LRP1B: variants seen among roughly 807,000 people sequenced by gnomAD.
LRP1B encodes the protein low-density lipoprotein receptor-related protein 1B.
LRP1B carries 217 observed loss-of-function variants against 556.6 expected under a neutral mutation model. The ratio of observed to expected loss-of-function variants is 0.39; its 90% CI spans 0.35 to 0.44. The LOEUF (loss-of-function observed/expected upper bound fraction) is 0.44. Among genes scored for constraint, LRP1B ranks in the 20% least tolerant of loss-of-function variants. The pLI is 1.00. For synonymous variants in LRP1B, 2,047 were observed against 1,865.8 expected (o/e 1.10, Z -2.50); for missense variants, 5,053 against 5,620.8 (o/e 0.90, Z 3.23).
At chr2:140,524,689 G>A (rs1404110034) in intron 49 of LRP1B, among the ~76,000 whole-genome samples, 2 of 151,782 alleles carry the variant, frequency 1.3e-5, no homozygotes, top group South Asian at 2.1e-4. Flanking sequence ...GTAAATCAAT[G>A]CAAGAACAGA....
chr2:141,373,677 A>T (rs930315764), intron 3 of LRP1B, among the ~76,000 whole-genome samples: 7 of 151,350 alleles, frequency 4.6e-5, no homozygotes, highest in African/African-American at 1.7e-4. Context: ...TTTGGTTTCC[A>T]TTTGTGTGGA....
Position 141,374,179 on chromosome 2 carries a change from T to G in LRP1B, c.343+106217A>C, listed in dbSNP as rs527335273. ...ACTGTATTTCCTTTAGTGTTTTTCTTTCAGCACTTTGAATATGCCATCCCA... is the reference window on the plus strand; with the variant it reads ...ACTGTATTTCCTTTAGTGTTTTTCTGTCAGCACTTTGAATATGCCATCCCA... On this transcript the variant is annotated intron_variant, in intron 3 of 90. Coordinates refer to ENST00000389484, the MANE Select transcript of LRP1B (RefSeq NM_018557.3). Among the ~76,000 whole-genome samples, 3 of 152,142 alleles carry G rather than the reference T, an allele frequency of 2.0e-5. No homozygotes were observed. The South Asian group carries it at 6.2e-4, about 31-fold the overall frequency.
intron 3 of LRP1B, among the ~76,000 whole-genome samples, chr2:141,425,452 G>T (rs1680325317): frequency 6.6e-6 from 1 of 151,304 alleles, no homozygotes; most frequent in African/African-American, 2.4e-5. Context: ...GGATGGCTGG[G>T]TCAAATGGTA....
At chr2:140,354,319 C>A (rs114105776) in intron 75 of LRP1B, among the ~76,000 whole-genome samples, 1 of 152,076 alleles carries the variant, frequency 6.6e-6, no homozygotes, top group Admixed American at 6.6e-5. Flanking sequence ...TAAATCACAA[C>A]GTCAAGGCTT....
At chr2:142,050,023 G>C (rs962029713) in intron 1 of LRP1B, among the ~76,000 whole-genome samples, 8 of 152,062 alleles carry the variant, frequency 5.3e-5, no homozygotes, top group Non-Finnish European at 1.0e-4. Context: ...TGAGGAGTAG[G>C]TACTCTGCTT....
At chr2:141,300,724 T>C (rs1686361019) in intron 3 of LRP1B, among the ~76,000 whole-genome samples, 1 of 152,190 alleles carries the variant, frequency 6.6e-6, no homozygotes, top group Non-Finnish European at 1.5e-5. Context: ...ATGCTTCACC[T>C]TTGCTTCCAC....
intron 7 of LRP1B, among the ~76,000 whole-genome samples, chr2:141,069,516 G>A (rs1699576710): frequency 6.6e-6 from 1 of 151,992 alleles, no homozygotes; most frequent in Admixed American, 6.6e-5. Flanking sequence ...CAAGAGAAAG[G>A]CTGGTACAAC....
In LRP1B at chr2:141,674,346, G is replaced by C. The variant is rs141173099; in HGVS notation, c.205+135933C>G. On this transcript the variant is annotated intron_variant, in intron 2 of 90. Coordinates refer to ENST00000389484, the MANE Select transcript of LRP1B (RefSeq NM_018557.3). The stretch of plus-strand genomic sequence containing the variant: ...GCCTGTTGACCAATACTGATTTTCT[G>C]AATCTTCACCCATTGCATATGTGAC... Among the ~76,000 whole-genome samples the C allele has an allele frequency of 2.1e-4, 32 of 152,036 alleles. 1 individual carries two copies. The East Asian group carries it at 5.6e-3, about 27-fold the overall frequency.
chr2:141,093,726 A>C (rs983248097), intron 7 of LRP1B, among the ~76,000 whole-genome samples: 1 of 151,844 alleles, frequency 6.6e-6, no homozygotes, highest in African/African-American at 2.4e-5. Flanking sequence ...AAAAAACAAC[A>C]ATTTTTTTTT....
chr2:140,666,761 A>C (rs1444068134), intron 41 of LRP1B, among the ~76,000 whole-genome samples: 1 of 152,228 alleles, frequency 6.6e-6, no homozygotes, highest in Non-Finnish European at 1.5e-5. Context: ...GTATTTGTCC[A>C]TCTACAAGTT....
chr2:141,590,610 C>G (rs534565753), intron 2 of LRP1B, among the ~76,000 whole-genome samples: 111 of 152,174 alleles, frequency 7.3e-4, no homozygotes, highest in African/African-American at 2.5e-3. Flanking sequence ...GGCCCCAGTT[C>G]CTCGCACTCA....
At chr2:140,673,231 C>A (rs554194134) in intron 41 of LRP1B, among the ~76,000 whole-genome samples, 1 of 152,322 alleles carries the variant, frequency 6.6e-6, no homozygotes, top group East Asian at 1.9e-4. Context: ...TTGCTTACAA[C>A]TCCTGCTCTA....
In LRP1B at chr2:140,840,983, A is replaced by G. The variant is rs1559150286; in HGVS notation, c.5049T>C (p.Ser1683=). The change falls in exon 30 of 91, where the codon TCT becomes TCC. Residue 1683 remains serine, a synonymous_variant. Coordinates refer to ENST00000389484, the MANE Select transcript of LRP1B (RefSeq NM_018557.3). ...TTCCATGGATAATTGAGGTTTTCAA[A>G]GAGCCATCTAGCCTTGCCACATTAA... ...TQINVARLDG[S]LKTSIIHGID... 1 of 1,613,518 alleles carries G rather than the reference A, an allele frequency of 6.2e-7. No individual in the cohort carries two copies. The highest frequency in any genetic ancestry group is 8.5e-7 in the Non-Finnish European group (1 of 1,179,680).
chr2:140,327,330 A>C (rs1680539807), intron 79 of LRP1B, among the ~76,000 whole-genome samples: 1 of 152,146 alleles, frequency 6.6e-6, no homozygotes, highest in Non-Finnish European at 1.5e-5. Flanking sequence ...GCTCACATGT[A>C]ATCGAACTAA....
chr2:142,063,179 G>T (rs1281502537), intron 1 of LRP1B, among the ~76,000 whole-genome samples: 2 of 151,192 alleles, frequency 1.3e-5, no homozygotes, highest in Non-Finnish European at 3.0e-5. Context: ...AACAGATCAT[G>T]AAATTAAATG....
rs149814682 is a variant in LRP1B, at chr2:140,709,527, T to C, written c.6023+6446A>G. ...CAAGAGGAGGAGGAGGAGTCAATGA[T>C]AGCTGAAAGAAACTGATTTTTTAAG... On this transcript the variant is annotated intron_variant, in intron 37 of 90. Coordinates refer to ENST00000389484, the MANE Select transcript of LRP1B (RefSeq NM_018557.3). Among the ~76,000 whole-genome samples, 605 of 151,878 alleles carry C rather than the reference T, an allele frequency of 4.0e-3. 3 individuals are homozygous for C. The highest frequency in any genetic ancestry group is 0.013 in the African/African-American group (528 of 41,468).
chr2:140,756,390 T>C (rs1316755415), intron 35 of LRP1B, among the ~76,000 whole-genome samples: 1 of 151,836 alleles, frequency 6.6e-6, no homozygotes, highest in Non-Finnish European at 1.5e-5. Flanking sequence ...TCTTGAAAAA[T>C]GAGAACAAAG....
chr2:141,628,427 G>C (rs920800206), intron 2 of LRP1B, among the ~76,000 whole-genome samples: 4 of 151,770 alleles, frequency 2.6e-5, no homozygotes, highest in African/African-American at 7.3e-5. Flanking sequence ...CTTAATGTTG[G>C]GTAAACAATG....
chr2:140,443,082 G>A (rs1388108855), intron 65 of LRP1B, among the ~76,000 whole-genome samples: 2 of 152,016 alleles, frequency 1.3e-5, no homozygotes, highest in East Asian at 1.9e-4. Flanking sequence ...TTACATATAC[G>A]TGGAGTCTTG....
Sources: allele counts gnomAD v4.1 joint callset (sites outside exome capture counted in the v4.1 genomes callset), GRCh38; gene constraint gnomAD v4.1.1; transcripts MANE v1.5; gene names NCBI Gene and HGNC (gene_info 2026-07-23, HGNC 2026-07-21).